The following NPSR1 variants were observed in gnomAD, a reference collection of about 807,000 sequenced individuals.
The protein encoded by NPSR1 is neuropeptide S receptor 1.
Under a neutral mutation model 46.9 loss-of-function variants are expected in NPSR1, and 48 were observed. The observed-to-expected ratio is 1.02, with a 90% CI of 0.81 to 1.30. The LOEUF (loss-of-function observed/expected upper bound fraction) is 1.30, where lower values mean the gene tolerates loss of function less well. NPSR1 is among the 50% of genes most tolerant of loss of function. The probability of loss-of-function intolerance (pLI) is 0.00; values close to 1 mark genes in which losing one functional copy is unlikely to be tolerated. For synonymous variants in NPSR1, 176 were observed against 168.1 expected (o/e 1.05, Z -0.36); for missense variants, 450 against 449.5 (o/e 1.00, Z -0.01).
intron 4 of NPSR1, among the ~76,000 whole-genome samples, chr7:34,819,558 A>G (rs927087429): frequency 1.3e-5 from 2 of 152,214 alleles, no homozygotes; most frequent in Non-Finnish European, 2.9e-5. Flanking sequence ...CAGCAATCTT[A>G]TTACTGGTAT....
At position 34,658,218 on chromosome 7, in the gene NPSR1, G is replaced by A. The variant is rs902576250; in HGVS notation, c.-195G>A. The A allele has an allele frequency of 1.7e-6, 1 of 592,386 alleles. No homozygotes were observed. 36.7% of individuals were successfully genotyped at this position (592,386 alleles called of 1,614,324 possible). A position where few individuals can be genotyped will look rare whatever the true frequency, so the allele number is the denominator to read the frequency against. On this transcript the variant is annotated 5_prime_UTR_variant, in exon 1 of 9. Transcript: ENST00000360581. ...GGTTGTGCTATGCTGGCTACCTGGT[G>A]GTAATTGCCAAGGAGAGAGCAGCAC...
At chr7:34,848,773 C>A in intron 8 of NPSR1, 110 bp downstream of exon 8, 1 of 960,298 alleles carries the variant, frequency 1.0e-6, no homozygotes, top group Non-Finnish European at 1.6e-6. Context: ...CAGGATCCCC[C>A]TTTTATAGAT....
At chr7:34,818,714 A>C (rs1306292375) in intron 4 of NPSR1, among the ~76,000 whole-genome samples, 1 of 152,214 alleles carries the variant, frequency 6.6e-6, no homozygotes, top group Admixed American at 6.5e-5. Context: ...CTTGTACCAA[A>C]ACAGAGATAT....
chr7:34,853,235 G>GA (rs1365575927), downstream of NPSR1, among the ~76,000 whole-genome samples: 3 of 152,050 alleles, frequency 2.0e-5, no homozygotes, highest in African/African-American at 7.2e-5. Context: ...GAGTCTGAGA[G>GA]AAAAAAGGAA....
intron 5 of NPSR1, among the ~76,000 whole-genome samples, chr7:34,829,569 G>C (rs2128757373): frequency 6.6e-6 from 1 of 152,242 alleles, no homozygotes; most frequent in East Asian, 1.9e-4. Flanking sequence ...TGGCTTCACT[G>C]CTGATTGATT....
At chr7:34,700,871 A>G (rs1440542318) in intron 2 of NPSR1, among the ~76,000 whole-genome samples, 2 of 152,240 alleles carry the variant, frequency 1.3e-5, no homozygotes, top group East Asian at 1.9e-4. Context: ...AGTAAGAGGC[A>G]TATTATTGTT....
chr7:34,834,902 C>A (rs1023626189), intron 6 of NPSR1, among the ~76,000 whole-genome samples: 1 of 152,206 alleles, frequency 6.6e-6, no homozygotes, highest in African/African-American at 2.4e-5. Flanking sequence ...CAATCTTGGA[C>A]CCTTAGCCAG....
At position 34,709,636 on chromosome 7, in the gene NPSR1, A is replaced by T. The variant is rs931584844; in HGVS notation, c.280+24952A>T. On this transcript the variant is annotated intron_variant, in intron 2 of 8. Transcript: ENST00000360581. ...TTTTTCACAGCAATTGTCACATTCT[A>T]TTCTACTATAACTTACTTATTTATT... 5.9e-5 allele frequency among the ~76,000 whole-genome samples: 9 copies of T among 152,126 alleles called. No homozygotes were observed. In the East Asian group the frequency reaches 1.7e-3, roughly 29 times the overall value.
intron 2 of NPSR1, among the ~76,000 whole-genome samples, chr7:34,764,866 AAGGCC>A (rs1378910111): frequency 6.6e-6 from 1 of 152,172 alleles, no homozygotes; most frequent in East Asian, 1.9e-4. Context: ...CCCCACCCCT[AAGGCC>A]CAGGCACACT....
intron 1 of NPSR1, among the ~76,000 whole-genome samples, chr7:34,666,361 C>A (rs1010311722): frequency 6.6e-6 from 1 of 152,166 alleles, no homozygotes; most frequent in Non-Finnish European, 1.5e-5. Context: ...GCTAAGTACT[C>A]ACTCTCCTAG....
intron 4 of NPSR1, among the ~76,000 whole-genome samples, chr7:34,823,417 C>CAAAAAAAAAAAAAAAAAAAAAAAAAAA (rs79081202): frequency 3.8e-5 from 4 of 103,956 alleles, no homozygotes; most frequent in Non-Finnish European, 7.4e-5. Context: ...AAAAAAAAAA[C>CAAAAAAAAAAAAAAAAAAAAAAAAAAA]AACACCATAA....
chr7:34,765,540 C>A (rs892658002), intron 2 of NPSR1, among the ~76,000 whole-genome samples: 1 of 152,162 alleles, frequency 6.6e-6, no homozygotes, highest in South Asian at 2.1e-4. Flanking sequence ...ACTTAACTAC[C>A]ATTTGAATTA....
At chr7:34,872,358 G>T (rs988785703) in intron 8 of NPSR1, among the ~76,000 whole-genome samples, 1 of 151,896 alleles carries the variant, frequency 6.6e-6, no homozygotes, top group Non-Finnish European at 1.5e-5. Context: ...ATGATGGAAG[G>T]GACCACCCCA....
chr7:34,751,183 G>T lies in NPSR1; in HGVS notation c.281-27279G>T. ...GTGAGCATATAGATGAGGAGTCCAG[G>T]GGTCCACCAGATTGGGAAAGTGGAT... On this transcript the variant is annotated intron_variant, in intron 2 of 8. Coordinates refer to ENST00000360581, the MANE Select transcript of NPSR1 (RefSeq NM_207172.2). 5.4e-6 allele frequency: 6 copies of T among 1,104,332 alleles called. No individual in the cohort carries two copies. The South Asian group carries it at 7.5e-5, about 14-fold the overall frequency. 68.4% of individuals were successfully genotyped at this position (1,104,332 alleles called of 1,614,324 possible).
chr7:34,735,068 G>A (rs762435336), intron 2 of NPSR1, among the ~76,000 whole-genome samples: 14 of 152,190 alleles, frequency 9.2e-5, no homozygotes, highest in Non-Finnish European at 1.8e-4. Flanking sequence ...GATAACCCTG[G>A]TTAAGGAGAA....
chr7:34,703,547 C>T (rs1422350946), intron 2 of NPSR1, among the ~76,000 whole-genome samples: 3 of 151,954 alleles, frequency 2.0e-5, no homozygotes, highest in African/African-American at 7.3e-5. Flanking sequence ...GAATAGAGCA[C>T]GTGTTTTTAT....
intron 3 of NPSR1, among the ~76,000 whole-genome samples, chr7:34,790,804 A>G (rs1787737355): frequency 8.9e-6 from 1 of 112,062 alleles, no homozygotes; most frequent in Admixed American, 9.5e-5. Flanking sequence ...GTTATAGGTT[A>G]TATGTTATAT....
intron 2 of NPSR1, among the ~76,000 whole-genome samples, chr7:34,759,572 T>C (rs1017440416): frequency 1.3e-5 from 2 of 152,130 alleles, no homozygotes; most frequent in African/African-American, 2.4e-5. Flanking sequence ...CTTGTCCTTT[T>C]CCCAGCCCCA....
At chr7:34,790,703 C>T (rs373747279) in intron 3 of NPSR1, among the ~76,000 whole-genome samples, 1 of 89,372 alleles carries the variant, frequency 1.1e-5, no homozygotes, top group Non-Finnish European at 2.1e-5. Context: ...AATATATGTT[C>T]TATGTTATAT....
Sources: gnomAD v4.1 joint callset for allele counts (sites outside exome capture counted in the v4.1 genomes callset) on GRCh38, gnomAD v4.1.1 for gene constraint, MANE v1.5 for transcripts, NCBI Gene and HGNC (gene_info 2026-07-23, HGNC 2026-07-21) for gene names.